LRRC8C: variants seen among roughly 807,000 people sequenced by gnomAD.
LRRC8C encodes the protein leucine rich repeat containing 8 VRAC subunit C, also known as volume-regulated anion channel subunit LRRC8C.
LRRC8C carries 20 observed loss-of-function variants against 55.3 expected under a neutral mutation model. The ratio of observed to expected loss-of-function variants is 0.36; its 90% CI spans 0.25 to 0.53. The LOEUF is 0.53. LRRC8C is among the 20% of genes least tolerant of loss of function. The probability of loss-of-function intolerance (pLI) is 0.92; values close to 1 mark genes in which losing one functional copy is unlikely to be tolerated. For synonymous variants in LRRC8C, 376 were observed against 360.7 expected, an observed-to-expected ratio of 1.04 and a Z score of -0.48; for missense variants, 659 against 951.4, an observed-to-expected ratio of 0.69 and a Z score of 4.04.
At chr1:89,623,151 GACACACACAC>G in the LRRC8C span, among the ~76,000 whole-genome samples, 288 of 149,640 alleles carry the variant, frequency 1.9e-3, 1 homozygote, top group Middle Eastern at 6.8e-3. Flanking sequence ...AACTAACTCA[GACACACACAC>G]ACACACACAC....
At chr1:89,683,527 T>G (rs1657787094) in intron 1 of LRRC8C, among the ~76,000 whole-genome samples, 2 of 151,960 alleles carry the variant, frequency 1.3e-5, no homozygotes, top group Non-Finnish European at 2.9e-5. Context: ...CCAGCTAATT[T>G]TTGTATTTTT....
chr1:89,639,151 A>C (rs1656385835), intron 1 of LRRC8C, among the ~76,000 whole-genome samples: 1 of 151,662 alleles, frequency 6.6e-6, no homozygotes, highest in South Asian at 2.1e-4. Flanking sequence ...ACGTCTGGCT[A>C]ATTTTTTGTC....
At chr1:89,625,933 A>C in the LRRC8C span, among the ~76,000 whole-genome samples, 1 of 152,228 alleles carries the variant, frequency 6.6e-6, no homozygotes, top group Non-Finnish European at 1.5e-5. Context: ...AGACTGAAAA[A>C]TTTGAGCCCT....
At chr1:89,711,745 C>T (rs1201375871) in intron 2 of LRRC8C, among the ~76,000 whole-genome samples, 1 of 152,290 alleles carries the variant, frequency 6.6e-6, no homozygotes, top group East Asian at 1.9e-4. Flanking sequence ...CAAACTGAAA[C>T]GTTGGTGGAA....
the LRRC8C span, among the ~76,000 whole-genome samples, chr1:89,621,880 A>C: frequency 6.6e-6 from 1 of 152,202 alleles, no homozygotes; most frequent in African/African-American, 2.4e-5. Flanking sequence ...AAGTGGCATA[A>C]CTAGAATGTC....
At chr1:89,632,903 G>T (rs1194301699), upstream of LRRC8C, 2 of 152,484 alleles carry the variant, frequency 1.3e-5, no homozygotes, top group Admixed American at 6.5e-5. Context: ...TCCCGGGAGC[G>T]AGGTGGTCTC....
At chr1:89,621,227 A>G in the LRRC8C span, among the ~76,000 whole-genome samples, 57 of 151,598 alleles carry the variant, frequency 3.8e-4, no homozygotes, top group African/African-American at 1.3e-3. Context: ...TTGGGAGGCC[A>G]AGGCGGGCAG....
rs770883027 is a variant in LRRC8C at position 89,713,323 on chromosome 1, T to C, written c.753T>C (p.His251=). 3.7e-6 allele frequency: 6 copies of C among 1,614,098 alleles called. No homozygotes were observed. Among genetic ancestry groups the C allele is most frequent in the Admixed American group, 1.7e-5 (1 of 60,006 alleles). The change falls in exon 3 of 3, where the codon CAT becomes CAC. Residue 251 remains histidine (H), a synonymous_variant. Coordinates refer to ENST00000370454, the MANE Select transcript of LRRC8C (RefSeq NM_032270.5). The surrounding 1 kb of genome is among the most constrained non-coding windows in gnomAD (Gnocchi z 5.2). ...AGAAGGTGAAGAAGTTCAGGCTGCA[T>C]GTGGAAGAAGGTGATATTCTATATG... is the stretch of plus-strand genomic sequence containing the variant. ...LFEKVKKFRL[H]VEEGDILYAM...
intron 1 of LRRC8C, among the ~76,000 whole-genome samples, chr1:89,648,313 A>G (rs935020910): frequency 2.6e-5 from 4 of 152,250 alleles, no homozygotes; most frequent in Non-Finnish European, 4.4e-5. Context: ...TTCAAAGCCT[A>G]TAAGAGAAAT....
chr1:89,639,188 T>C (rs992490829), intron 1 of LRRC8C, among the ~76,000 whole-genome samples: 4 of 152,248 alleles, frequency 2.6e-5, no homozygotes, highest in South Asian at 4.1e-4. Flanking sequence ...GGTTTCACCA[T>C]GTTGGCCAGG....
intron 1 of LRRC8C, among the ~76,000 whole-genome samples, chr1:89,643,530 A>G (rs1656527749): frequency 1.3e-5 from 2 of 152,246 alleles, no homozygotes; most frequent in Admixed American, 1.3e-4. Context: ...AGAATTGTAG[A>G]TTCCATGATA....
At chr1:89,686,397 G>A in intron 1 of LRRC8C, 73 bp from the exon 2 acceptor site, 2 of 1,528,760 alleles carry the variant, frequency 1.3e-6, no homozygotes, top group Non-Finnish European at 1.8e-6. Context: ...AGGAGTTGGA[G>A]CCACATTTGG....
At chr1:89,653,570 G>C (rs1258037526) in intron 1 of LRRC8C, among the ~76,000 whole-genome samples, 1 of 152,208 alleles carries the variant, frequency 6.6e-6, no homozygotes, top group East Asian at 1.9e-4. Flanking sequence ...AACTGTAAGA[G>C]ACAAGGATGG....
chr1:89,672,234 G>A (rs1397065187), intron 1 of LRRC8C, among the ~76,000 whole-genome samples: 1 of 152,150 alleles, frequency 6.6e-6, no homozygotes. Context: ...ATACTTCCAT[G>A]CAAGCATCAC....
intron 2 of LRRC8C, among the ~76,000 whole-genome samples, chr1:89,699,676 A>G (rs1658266772): frequency 6.6e-6 from 1 of 152,180 alleles, no homozygotes; most frequent in African/African-American, 2.4e-5. Flanking sequence ...CGTCCTGATG[A>G]TAGTGATGCA....
At chr1:89,669,536 G>T (rs1657361599) in intron 1 of LRRC8C, among the ~76,000 whole-genome samples, 1 of 152,058 alleles carries the variant, frequency 6.6e-6, no homozygotes, top group African/African-American at 2.4e-5. Context: ...GTCATCTATT[G>T]AGTGCTAATT....
intron 1 of LRRC8C, among the ~76,000 whole-genome samples, chr1:89,678,534 C>G (rs922298771): frequency 6.6e-6 from 1 of 152,048 alleles, no homozygotes; most frequent in African/African-American, 2.4e-5. Flanking sequence ...AACCCCGTCT[C>G]TACTAAAAAT....
chr1:89,653,956 G>A (rs1254232436), intron 1 of LRRC8C, among the ~76,000 whole-genome samples: 5 of 152,166 alleles, frequency 3.3e-5, no homozygotes, highest in South Asian at 2.1e-4. Context: ...AGCATCATTC[G>A]TAACAGCAAA....
chr1:89,629,252 A>T (rs576771330), upstream of LRRC8C, among the ~76,000 whole-genome samples: 162 of 152,370 alleles, frequency 1.1e-3, no homozygotes, highest in African/African-American at 3.8e-3. Flanking sequence ...TAAACAACTG[A>T]AACTTAAAAC....
Sources: gnomAD v4.1 joint callset for allele counts (sites outside exome capture counted in the v4.1 genomes callset) on GRCh38, gnomAD v4.1.1 for gene constraint, Gnocchi (gnomAD v3.1) non-coding constraint, MANE v1.5 for transcripts, NCBI Gene and HGNC (gene_info 2026-07-23, HGNC 2026-07-21) for gene names.